MAPK4: variants seen among roughly 807,000 people sequenced by gnomAD.
MAPK4 encodes the protein Erk3-related.
In MAPK4, 22 loss-of-function variants were observed where a neutral mutation model predicts 47.7. The observed-to-expected ratio is 0.46, with a 90% CI of 0.33 to 0.66. The LOEUF (loss-of-function observed/expected upper bound fraction) is 0.66, where lower values mean the gene tolerates loss of function less well. MAPK4 is among the 30% of genes least tolerant of loss of function. The probability of loss-of-function intolerance (pLI) is 0.02; values close to 1 mark genes in which losing one functional copy is unlikely to be tolerated. For synonymous variants in MAPK4, 390 were observed against 365.7 expected, an observed-to-expected ratio of 1.07 and a Z score of -0.76; for missense variants, 736 against 831.7, an observed-to-expected ratio of 0.88 and a Z score of 1.42.
At chr18:50,619,361 C>T (rs530812076) in intron 1 of MAPK4, among the ~76,000 whole-genome samples, 4 of 152,330 alleles carry the variant, frequency 2.6e-5, no homozygotes, top group African/African-American at 9.6e-5. Context: ...GTTCCCCAGC[C>T]TGCAGTGTGG....
At chr18:50,656,734 C>A (rs948577963) in intron 1 of MAPK4, among the ~76,000 whole-genome samples, 3 of 152,096 alleles carry the variant, frequency 2.0e-5, no homozygotes, top group Non-Finnish European at 4.4e-5. Flanking sequence ...CAGTTGGCCC[C>A]TGAATGTTCC....
chr18:50,644,330 G>T (rs1354365989), intron 1 of MAPK4, among the ~76,000 whole-genome samples: 1 of 152,084 alleles, frequency 6.6e-6, no homozygotes, highest in African/African-American at 2.4e-5. Context: ...GTAATCACCA[G>T]ATTGGAACCA....
chr18:50,593,113 A>C (rs1362337388), intron 1 of MAPK4, among the ~76,000 whole-genome samples: 1 of 152,240 alleles, frequency 6.6e-6, no homozygotes, highest in Non-Finnish European at 1.5e-5. Flanking sequence ...ACTGGAACAC[A>C]GGCAACCAGC....
chr18:50,656,468 A>G (rs2043110845), intron 1 of MAPK4, among the ~76,000 whole-genome samples: 1 of 152,228 alleles, frequency 6.6e-6, no homozygotes, highest in Non-Finnish European at 1.5e-5. Context: ...CGAACAGGAG[A>G]GAGTGATTAC....
chr18:50,693,647 A>G (rs181930701), intron 2 of MAPK4, among the ~76,000 whole-genome samples: 1 of 152,312 alleles, frequency 6.6e-6, no homozygotes, highest in East Asian at 1.9e-4. Context: ...AGTTGTGTGA[A>G]TGACAGTAGC....
At chr18:50,589,735 T>C (rs916561727) in intron 1 of MAPK4, among the ~76,000 whole-genome samples, 2 of 152,028 alleles carry the variant, frequency 1.3e-5, no homozygotes, top group African/African-American at 4.8e-5. Context: ...AATGGTTCTC[T>C]TTCAGTTTCA....
Position 50,664,317 on chromosome 18 carries a change from C to T in MAPK4, c.359C>T (p.Thr120Met), listed in dbSNP as rs376833028. The change falls in exon 2 of 6, where the codon ACG becomes ATG. Residue 120 changes from threonine (T) to methionine (M), a missense_variant. Transcript: ENST00000400384. The surrounding 1 kb of genome is among the most constrained non-coding windows in gnomAD (Gnocchi z 6.0). Reference sequence around the variant, plus strand: ...CTGGCACGCCTGCTGGAGCAGGGCACGCTGGCAGAAGAGCATGCCAAGCTG... The same window carrying T: ...CTGGCACGCCTGCTGGAGCAGGGCATGCTGGCAGAAGAGCATGCCAAGCTG... ...TDLARLLEQG[T>M]LAEEHAKLFM... 8.4e-5 allele frequency: 135 copies of T among 1,613,508 alleles called. No individual in the cohort carries two copies. The highest frequency in any genetic ancestry group is 1.6e-4 in the East Asian group (7 of 44,876).
intron 1 of MAPK4, among the ~76,000 whole-genome samples, chr18:50,587,053 A>C (rs2042395104): frequency 6.6e-6 from 1 of 152,174 alleles, no homozygotes. Context: ...ACTCTACCTT[A>C]TTTGATTACT....
rs1179473528 is a variant in MAPK4 at position 50,664,929 on chromosome 18, G to A, written c.546+425G>A. ...ACCCTGTGAGCCTCATGCTCTGGTT[G>A]GTCTCACCTCCCTCATCCCATCCAA... On this transcript the variant is annotated intron_variant, in intron 2 of 5. Transcript: ENST00000400384. This position sits in a 1 kb window ranked among gnomAD's most constrained non-coding sequence, Gnocchi z 6.0. 6.6e-6 allele frequency among the ~76,000 whole-genome samples: 1 copy of A among 152,074 alleles called. No individual in the cohort carries two copies. The highest frequency in any genetic ancestry group is 2.4e-5 in the African/African-American group (1 of 41,416).
At chr18:50,689,463 C>T (rs1012205432) in intron 2 of MAPK4, among the ~76,000 whole-genome samples, 1 of 150,088 alleles carries the variant, frequency 6.7e-6, no homozygotes, top group Non-Finnish European at 1.5e-5. Context: ...ATTCCTCATG[C>T]GCTGGTGTTC....
intron 2 of MAPK4, among the ~76,000 whole-genome samples, chr18:50,702,355 T>A (rs9962141): frequency 0.33 from 49,859 of 151,702 alleles, 8,565 homozygotes; most frequent in Admixed American, 0.39. Flanking sequence ...GAAGTTTGAA[T>A]CTAGCCTAGG....
intron 2 of MAPK4, among the ~76,000 whole-genome samples, chr18:50,699,282 G>A (rs533758032): frequency 3.9e-5 from 6 of 152,100 alleles, no homozygotes; most frequent in African/African-American, 4.8e-5. Context: ...ACCTTCTGCC[G>A]TATTATGTTT....
chr18:50,611,941 G>A (rs1368023344), intron 1 of MAPK4, among the ~76,000 whole-genome samples: 4 of 152,096 alleles, frequency 2.6e-5, no homozygotes, highest in South Asian at 4.1e-4. Flanking sequence ...TTTAAAGATC[G>A]AAGTATGAGT....
Position 50,631,493 on chromosome 18 carries a change from T to C in MAPK4, c.-870-31596T>C, listed in dbSNP as rs376922664. ...TGGCAGGAACATGACCATATTAGAA[T>C]GTAACTACCATGAATAAAGAGGGTC... On this transcript the variant is annotated intron_variant, in intron 1 of 5. Transcript: ENST00000400384. 1.6e-4 allele frequency among the ~76,000 whole-genome samples: 24 copies of C among 152,320 alleles called. No individual in the cohort carries two copies. The East Asian group carries it at 3.9e-3, about 24-fold the overall frequency.
chr18:50,653,479 A>C (rs1241867472), intron 1 of MAPK4, among the ~76,000 whole-genome samples: 2 of 152,210 alleles, frequency 1.3e-5, no homozygotes, highest in African/African-American at 2.4e-5. Context: ...AAACAGAAGC[A>C]AGCACTCAAG....
intron 1 of MAPK4, among the ~76,000 whole-genome samples, chr18:50,650,448 A>G (rs1263176354): frequency 6.6e-6 from 1 of 151,384 alleles, no homozygotes; most frequent in East Asian, 1.9e-4. Flanking sequence ...TTTGTTTCCC[A>G]CCGATGCATG....
rs138685969 is a variant in MAPK4 at position 50,649,159 on chromosome 18, C to T, written c.-870-13930C>T. Among the ~76,000 whole-genome samples the T allele has an allele frequency of 2.3e-3, 345 of 152,286 alleles. 8 individuals are homozygous for T. The East Asian group carries it at 0.028, about 12-fold the overall frequency. On this transcript the variant is annotated intron_variant, in intron 1 of 5. Transcript: ENST00000400384. ...CCCCAGTGATCTGATCCCCTAGGGG[C>T]CCTTGGCTCAGTCCCGTGTGAGACC...
chr18:50,693,886 A>G (rs1909367066), intron 2 of MAPK4, among the ~76,000 whole-genome samples: 1 of 152,132 alleles, frequency 6.6e-6, no homozygotes, highest in African/African-American at 2.4e-5. Context: ...TTGAGGCTCA[A>G]TGCATTTTCC....
At chr18:50,642,208 T>C (rs2042946734) in intron 1 of MAPK4, among the ~76,000 whole-genome samples, 1 of 152,240 alleles carries the variant, frequency 6.6e-6, no homozygotes, top group African/African-American at 2.4e-5. Flanking sequence ...GGCAAATTAT[T>C]TTCCCCGCAG....
Sources: allele counts gnomAD v4.1 joint callset (sites outside exome capture counted in the v4.1 genomes callset), GRCh38; gene constraint gnomAD v4.1.1; non-coding constraint Gnocchi (gnomAD v3.1); transcripts MANE v1.5; gene names NCBI Gene and HGNC (gene_info 2026-07-23, HGNC 2026-07-21).